Variants in CR1L observed in about 807,000 individuals in gnomAD.
CR1L encodes complement C3b/C4b receptor 1 like.
In CR1L, 59 loss-of-function variants were observed where a neutral mutation model predicts 62.3. The ratio of observed to expected loss-of-function variants is 0.95; its 90% CI spans 0.77 to 1.18. CR1L has a LOEUF of 1.18. Among genes scored for constraint, CR1L ranks in the 50% most tolerant of loss-of-function variants. The probability of loss-of-function intolerance (pLI) is 0.00; values close to 1 mark genes in which losing one functional copy is unlikely to be tolerated. For missense variants in CR1L, 700 were observed against 702.8 expected (o/e 1.00, Z 0.04); for synonymous variants, 279 against 248.7 (o/e 1.12, Z -1.15).
At position 207,697,609 on chromosome 1, in the gene CR1L, C is replaced by T. The variant is rs1354874993; in HGVS notation, c.969C>T (p.Asp323=). 3 of 1,613,960 alleles carry T rather than the reference C, an allele frequency of 1.9e-6. No homozygotes were observed. Among genetic ancestry groups the T allele is most frequent in the Non-Finnish European group, 2.5e-6 (3 of 1,179,858 alleles). ...TCTACAGCTGTGAGCCCGGCTACGA[C>T]CTCAGAGGATCTACGTATTTGCACT... ...EVFYSCEPGY[D]LRGSTYLHCT... The change falls in exon 6 of 12, where the codon GAC becomes GAT. Residue 323 remains aspartate (D), a synonymous_variant. Coordinates refer to ENST00000508064, the MANE Select transcript of CR1L (RefSeq NM_175710.2).
chr1:207,699,363 A>C, intron 8 of CR1L, 89 bp downstream of exon 8: 1 of 1,472,904 alleles, frequency 6.8e-7, no homozygotes, highest in Non-Finnish European at 9.3e-7. Flanking sequence ...TGGTTCTTCA[A>C]TTTTCTAATC....
rs764740950 is a variant in CR1L at position 207,717,601 on chromosome 1, G to T, written c.1552G>T (p.Gly518Trp). The T allele has an allele frequency of 7.2e-5, 116 of 1,613,786 alleles. No homozygotes were observed. The highest frequency in any genetic ancestry group is 9.7e-5 in the Non-Finnish European group (114 of 1,179,878). Residue 518 changes from glycine to tryptophan, a missense_variant, in exon 11 of 12, where the codon GGG (glycine) becomes TGG (tryptophan). By Grantham distance (184) the Gly-to-Trp change is radical (BLOSUM62 -2). Transcript: ENST00000508064. ...PDRGMTFNLI[G>W]ESTIRRTSEP... Reference sequence around the variant, plus strand: ...CAGAGGGATGACCTTCAACCTCATTGGGGAGAGCACCATCCGCCGCACAAG... The same window carrying T: ...CAGAGGGATGACCTTCAACCTCATTTGGGAGAGCACCATCCGCCGCACAAG...
chr1:207,711,640 C>G (rs1262575863), intron 10 of CR1L: 1 of 152,308 alleles, frequency 6.6e-6, no homozygotes, highest in Non-Finnish European at 1.5e-5. Context: ...GGCATGGTGG[C>G]CCATGCCTGT....
At chr1:207,662,607 TCA>T (rs942053797) in intron 1 of CR1L, among the ~76,000 whole-genome samples, 41 of 152,344 alleles carry the variant, frequency 2.7e-4, no homozygotes, top group African/African-American at 8.9e-4. Context: ...CTCCTTTAGC[TCA>T]GAGTAGTTTG....
intron 10 of CR1L, among the ~76,000 whole-genome samples, chr1:207,715,795 G>C (rs1324404288): frequency 6.6e-6 from 1 of 151,988 alleles, no homozygotes; most frequent in Non-Finnish European, 1.5e-5. Context: ...GGCCTGGGCT[G>C]TAGTGACCCT....
rs529059621 is a variant in CR1L at position 207,668,116 on chromosome 1, T to C, written c.98-9273T>C. Among the ~76,000 whole-genome samples, 18 of 151,068 alleles carry C rather than the reference T, an allele frequency of 1.2e-4. No individual in the cohort carries two copies. The East Asian group carries it at 3.5e-3, about 29-fold the overall frequency. ...TTATGGGAAATAGTATGGAGGTTTCTCAAAAAATTAAAAGCAGAACTACCA... is the reference window on the plus strand; with the variant it reads ...TTATGGGAAATAGTATGGAGGTTTCCCAAAAAATTAAAAGCAGAACTACCA... On this transcript the variant is annotated intron_variant, in intron 1 of 11. Coordinates refer to ENST00000508064, the MANE Select transcript of CR1L (RefSeq NM_175710.2).
intron 1 of CR1L, among the ~76,000 whole-genome samples, chr1:207,651,328 G>T (rs576438917): frequency 5.2e-4 from 79 of 152,180 alleles, no homozygotes; most frequent in African/African-American, 1.7e-3. Flanking sequence ...TAAGTGCATT[G>T]CAGGACATGA....
At position 207,677,307 on chromosome 1, in the gene CR1L, CAAAAAAAAAAAA is replaced by C. The variant is rs57151160; in HGVS notation, c.98-63_98-52del. On this transcript the variant is annotated intron_variant, in intron 1 of 11. Transcript: ENST00000508064. ...TGGGTGACAGAGGGAGACTCTGTCA[CAAAAAAAAAAAA>C]AAAAAAAAAAAAAAAAAAGTATGGT... The C allele has an allele frequency of 6.0e-4, 305 of 506,212 alleles. 1 individual carries two copies. The highest frequency in any genetic ancestry group is 8.1e-4 in the African/African-American group (20 of 24,754). 31.4% of individuals were successfully genotyped at this position (506,212 alleles called of 1,614,324 possible). A position where few individuals can be genotyped will look rare whatever the true frequency, so the allele number is the denominator to read the frequency against.
intron 1 of CR1L, among the ~76,000 whole-genome samples, chr1:207,671,131 A>G (rs1663609335): frequency 6.6e-6 from 1 of 151,028 alleles, no homozygotes; most frequent in Admixed American, 6.6e-5. Flanking sequence ...ACTGACCTTC[A>G]GTGTCCACGT....
At chr1:207,682,991 T>TC (rs774422262) in intron 3 of CR1L, among the ~76,000 whole-genome samples, 8,112 of 140,050 alleles carry the variant, frequency 0.058, 359 homozygotes, top group East Asian at 0.17. Flanking sequence ...TTTCTTTCTT[T>TC]TTTTCTTTCT....
chr1:207,693,804 C>T (rs1334290133), intron 4 of CR1L, among the ~76,000 whole-genome samples: 2 of 150,978 alleles, frequency 1.3e-5, no homozygotes, highest in Admixed American at 6.6e-5. Context: ...CTTTCTAAAT[C>T]TTTTTGAATG....
intron 9 of CR1L, among the ~76,000 whole-genome samples, chr1:207,704,995 T>C (rs530799947): frequency 2.0e-5 from 3 of 152,302 alleles, no homozygotes; most frequent in South Asian, 4.1e-4. Flanking sequence ...AATCAAGGTG[T>C]TGGGAAGACC....
Position 207,708,183 on chromosome 1 carries a change from G to T in CR1L, c.1334G>T (p.Arg445Leu). 6.2e-7 allele frequency: 1 copy of T among 1,611,292 alleles called. No individual in the cohort carries two copies. Among genetic ancestry groups the T allele is most frequent in the African/African-American group, 1.3e-5 (1 of 74,936 alleles). ...TTTCCATTTTTTGCCTTTAGGCACC[G>T]ACTCATTGGTCACTCATCTGCTGAA... Reference protein sequence around the residue: ...RINYSCTTGHRLIGHSSAECI... With the variant: ...RINYSCTTGHLLIGHSSAECI... Residue 445 changes from arginine (R) to leucine (L), a missense_variant, in exon 10 of 12, where the codon CGA becomes CTA. Coordinates refer to ENST00000508064, the MANE Select transcript of CR1L (RefSeq NM_175710.2).
intron 2 of CR1L, among the ~76,000 whole-genome samples, chr1:207,677,983 T>A (rs568137342): frequency 5.3e-5 from 8 of 152,342 alleles, no homozygotes; most frequent in Non-Finnish European, 1.0e-4. Flanking sequence ...CTGGGAGGCA[T>A]AATATGGGGA....
At chr1:207,655,112 C>A in intron 1 of CR1L, 1 of 363,976 alleles carries the variant, frequency 2.7e-6, no homozygotes. Flanking sequence ...AGAAAATAAA[C>A]CATATAAAAA....
At chr1:207,657,980 C>T (rs138812407) in intron 1 of CR1L, among the ~76,000 whole-genome samples, 2 of 152,194 alleles carry the variant, frequency 1.3e-5, no homozygotes, top group African/African-American at 2.4e-5. Context: ...GAATCAACAA[C>T]AAGGCCAATC....
At chr1:207,689,445 T>C (rs1663964072) in intron 4 of CR1L, among the ~76,000 whole-genome samples, 2 of 152,096 alleles carry the variant, frequency 1.3e-5, no homozygotes, top group Admixed American at 6.6e-5. Flanking sequence ...ATATTTAAAA[T>C]CAGTCAAGGT....
At position 207,677,809 on chromosome 1, in the gene CR1L, A is replaced by G. The variant is rs1663722209; in HGVS notation, c.277+241A>G. Among the ~76,000 whole-genome samples the G allele has an allele frequency of 2.6e-5, 4 of 152,360 alleles. No homozygotes were observed. In the South Asian group the frequency reaches 8.3e-4, roughly 32 times the overall value. On this transcript the variant is annotated intron_variant, in intron 2 of 11. Transcript: ENST00000508064. ...CATGATTGAGGGAAAACCCCCATTC[A>G]CTGGGGGTCTCCCATTTTCATGACT...
In CR1L at chr1:207,699,263, CA is replaced by C. The variant is rs1664155276; in HGVS notation, c.1218del (p.Val407CysfsTer14). 1 of 1,613,562 alleles carries C rather than the reference CA, an allele frequency of 6.2e-7. No homozygotes were observed. Among genetic ancestry groups the C allele is most frequent in the Admixed American group, 1.7e-5 (1 of 59,984 alleles). ...GAAAGCCTTTGGAATAGCAGTGTTC[CA>C]GTGTGTGAACGTAAGTAATAGGAGT... ...GMESLWNSSV[P>X]VCERKSCETP... On this transcript the variant is annotated frameshift_variant, in exon 8 of 12. Transcript: ENST00000508064. LOFTEE classifies it high-confidence loss of function.
Sources: gnomAD v4.1 joint callset for allele counts (sites outside exome capture counted in the v4.1 genomes callset) on GRCh38, gnomAD v4.1.1 for gene constraint, MANE v1.5 for transcripts, NCBI Gene and HGNC (gene_info 2026-07-23, HGNC 2026-07-21) for gene names.